MCF2L: variants seen among roughly 807,000 people sequenced by gnomAD.
MCF2L encodes the protein guanine nucleotide exchange factor DBS.
In MCF2L, 97 loss-of-function variants were observed where a neutral mutation model predicts 153.4. That is an observed-to-expected ratio of 0.63 (90% CI 0.54 to 0.75). The LOEUF (loss-of-function observed/expected upper bound fraction) is 0.75. MCF2L is among the 30% of genes least tolerant of loss of function. MCF2L has a pLI of 0.00. For synonymous variants in MCF2L, 659 were observed against 632.2 expected (o/e 1.04, Z -0.64); for missense variants, 1,347 against 1,495.2 (o/e 0.90, Z 1.64).
At chr13:113,017,080 AGATGTGCGCG>A (rs2084575073) in intron 2 of MCF2L, among the ~76,000 whole-genome samples, 1 of 152,198 alleles carries the variant, frequency 6.6e-6, no homozygotes, top group Non-Finnish European at 1.5e-5. Context: ...CTTCTCCTGC[AGATGTGCGCG>A]GATTTGGAGG....
At chr13:112,987,846 G>A (rs751579948) in intron 1 of MCF2L, among the ~76,000 whole-genome samples, 3 of 152,206 alleles carry the variant, frequency 2.0e-5, no homozygotes, top group Non-Finnish European at 2.9e-5. Flanking sequence ...TGTCCCCCTC[G>A]TCACAGCGGA....
At chr13:112,912,563 C>A (rs4907559) in intron 2 of MCF2L, among the ~76,000 whole-genome samples, 1 of 152,150 alleles carries the variant, frequency 6.6e-6, no homozygotes, top group Non-Finnish European at 1.5e-5. Context: ...GTGATTCACC[C>A]GCCTTGGCCT....
chr13:112,938,871 T>C (rs973851383), intron 2 of MCF2L, among the ~76,000 whole-genome samples: 4 of 151,378 alleles, frequency 2.6e-5, no homozygotes, highest in Non-Finnish European at 2.9e-5. Context: ...GCGCAGGGGG[T>C]GGGAGGTCTT....
chr13:113,019,326 C>A (rs370581074), intron 2 of MCF2L, among the ~76,000 whole-genome samples: 10 of 152,158 alleles, frequency 6.6e-5, no homozygotes, highest in African/African-American at 2.4e-4. Context: ...CCACCAGACC[C>A]GAAGCTCAGT....
At chr13:112,908,945 C>T (rs1020056431) in intron 2 of MCF2L, among the ~76,000 whole-genome samples, 2 of 152,016 alleles carry the variant, frequency 1.3e-5, no homozygotes, top group African/African-American at 4.8e-5. Context: ...AGGATTGTCT[C>T]GATCTCCTGA....
At chr13:113,019,998 C>T (rs967646027) in intron 2 of MCF2L, among the ~76,000 whole-genome samples, 2 of 152,182 alleles carry the variant, frequency 1.3e-5, no homozygotes, top group Non-Finnish European at 2.9e-5. Flanking sequence ...AACAAACAGC[C>T]TGTGTGAAAA....
At chr13:113,057,862 G>A (rs1439461450) in intron 4 of MCF2L, among the ~76,000 whole-genome samples, 7 of 148,362 alleles carry the variant, frequency 4.7e-5, no homozygotes, top group South Asian at 2.2e-4. Context: ...TGTGTGTTTG[G>A]GCACTGAGTG....
intron 26 of MCF2L, chr13:113,090,842 T>C: frequency 8.8e-7 from 1 of 1,134,578 alleles, no homozygotes; most frequent in South Asian, 1.9e-5. Flanking sequence ...CTGCAAACTC[T>C]GCTAGCGCAG....
rs1336974804 is a variant in MCF2L at position 113,053,326 on chromosome 13, T to C, written c.370-7267T>C. Reference sequence around the variant, plus strand: ...ACCCAGTTGTTGGTTTTTGTTTTGCTTTCTGTCTTTTGTGAGATTGAGATT... The same window carrying C: ...ACCCAGTTGTTGGTTTTTGTTTTGCCTTCTGTCTTTTGTGAGATTGAGATT... On this transcript the variant is annotated intron_variant, in intron 4 of 29. Transcript: ENST00000535094. The surrounding 1 kb of genome is among the most constrained non-coding windows in gnomAD (Gnocchi z 4.4). Among the ~76,000 whole-genome samples the C allele has an allele frequency of 6.6e-6, 1 of 152,254 alleles. No homozygotes were observed. The highest frequency in any genetic ancestry group is 1.5e-5 in the Non-Finnish European group (1 of 68,048).
intron 2 of MCF2L, among the ~76,000 whole-genome samples, chr13:112,912,746 CT>C (rs1297439318): frequency 1.3e-5 from 2 of 151,692 alleles, no homozygotes; most frequent in Non-Finnish European, 2.9e-5. Context: ...TGGCTTGTGT[CT>C]TTGTGTGGCT....
At chr13:112,933,760 T>C (rs1208164735) in intron 2 of MCF2L, among the ~76,000 whole-genome samples, 1 of 152,218 alleles carries the variant, frequency 6.6e-6, no homozygotes, top group Non-Finnish European at 1.5e-5. Context: ...CCCTTGGCCA[T>C]CGGTCAGCGA....
chr13:113,006,504 G>A (rs1293851732), intron 1 of MCF2L, among the ~76,000 whole-genome samples: 1 of 152,152 alleles, frequency 6.6e-6, no homozygotes, highest in Non-Finnish European at 1.5e-5. Flanking sequence ...TTTCTCCCTG[G>A]ACCCCTAGCC....
At chr13:112,915,410 C>CCAAAAAAAAAAAAAAAAAAAAA (rs2081281143) in intron 2 of MCF2L, among the ~76,000 whole-genome samples, 2 of 86,922 alleles carry the variant, frequency 2.3e-5, no homozygotes, top group African/African-American at 5.3e-5. Flanking sequence ...CTCTGTCTCA[C>CCAAAAAAAAAAAAAAAAAAAAA]AAAAAAAAAA....
At chr13:113,083,977 T>C (rs1594982278) in intron 17 of MCF2L, 21 bp from the exon 18 acceptor site, 1 of 1,602,506 alleles carries the variant, frequency 6.2e-7, no homozygotes, top group East Asian at 2.2e-5. Context: ...TTCATACTAC[T>C]TAAAAACCTT....
intron 1 of MCF2L, among the ~76,000 whole-genome samples, chr13:113,014,155 TC>T (rs1341807526): frequency 2.0e-5 from 3 of 152,206 alleles, no homozygotes; most frequent in African/African-American, 7.2e-5. Flanking sequence ...CTGCAGTGCG[TC>T]CAGAGCCATC....
At chr13:112,966,607 T>G (rs2081896764), upstream of MCF2L, among the ~76,000 whole-genome samples, 1 of 152,048 alleles carries the variant, frequency 6.6e-6, no homozygotes, top group African/African-American at 2.4e-5. The surrounding 1 kb of genome is among the most constrained non-coding windows in gnomAD (Gnocchi z 4.1). Flanking sequence ...ACCAAGGGTC[T>G]CCACCCTGGT....
intron 4 of MCF2L, among the ~76,000 whole-genome samples, chr13:113,055,803 G>A (rs1012073396): frequency 1.3e-5 from 2 of 152,248 alleles, no homozygotes; most frequent in African/African-American, 4.8e-5. Flanking sequence ...TGCAGAAGGT[G>A]AATGGCTGTG....
At chr13:113,012,014 C>T (rs1329545756) in intron 1 of MCF2L, among the ~76,000 whole-genome samples, 5 of 93,212 alleles carry the variant, frequency 5.4e-5, no homozygotes, top group African/African-American at 1.2e-4. Context: ...GTGGACACTG[C>T]GATGAGGACA....
At chr13:113,060,369 G>A (rs750800789) in intron 4 of MCF2L, among the ~76,000 whole-genome samples, 12 of 152,202 alleles carry the variant, frequency 7.9e-5, no homozygotes, top group Non-Finnish European at 1.6e-4. Context: ...GCAGCATAAC[G>A]TTCTGCCAAG....
Sources: gnomAD v4.1 joint callset for allele counts (sites outside exome capture counted in the v4.1 genomes callset) on GRCh38, gnomAD v4.1.1 for gene constraint, Gnocchi (gnomAD v3.1) non-coding constraint, MANE v1.5 for transcripts, NCBI Gene and HGNC (gene_info 2026-07-23, HGNC 2026-07-21) for gene names.